PARVB: variants seen among roughly 807,000 people sequenced by gnomAD.
PARVB encodes the protein beta-parvin.
A neutral mutation model predicts 47.0 loss-of-function variants in PARVB; 46 were observed. The ratio of observed to expected loss-of-function variants is 0.98; its 90% CI spans 0.77 to 1.25. PARVB has a LOEUF of 1.25. PARVB is among the 50% of genes most tolerant of loss of function. PARVB has a pLI of 0.00. For missense variants in PARVB, 473 were observed against 471.6 expected, an observed-to-expected ratio of 1.00 and a Z score of -0.03; for synonymous variants, 196 against 196.3, an observed-to-expected ratio of 1.00 and a Z score of 0.01.
At chr22:44,016,225 T>C (rs1388758124) in intron 2 of PARVB, among the ~76,000 whole-genome samples, 1 of 151,598 alleles carries the variant, frequency 6.6e-6, no homozygotes, top group Non-Finnish European at 1.5e-5. Flanking sequence ...GCCTCCCGAG[T>C]AGCTGGGACT....
At chr22:44,021,833 G>A (rs1168294869), upstream of PARVB, among the ~76,000 whole-genome samples, 2 of 144,498 alleles carry the variant, frequency 1.4e-5, no homozygotes, top group Non-Finnish European at 3.0e-5. Flanking sequence ...TAGTAGAGAC[G>A]GAGGCAGAGA....
At chr22:44,136,660 G>T (rs572086095) in intron 7 of PARVB, 142 bp downstream of exon 7, 52 of 701,402 alleles carry the variant, frequency 7.4e-5, no homozygotes, top group Non-Finnish European at 1.1e-4. Flanking sequence ...TGATTCTCAT[G>T]CTGGTTCCCA....
chr22:44,058,926 G>A (rs1435092173), intron 1 of PARVB, among the ~76,000 whole-genome samples: 2 of 151,316 alleles, frequency 1.3e-5, no homozygotes, highest in East Asian at 2.0e-4. Context: ...AAACCCACTA[G>A]TTATGGTCAC....
intron 1 of PARVB, among the ~76,000 whole-genome samples, chr22:44,066,621 A>G (rs572546508): frequency 1.3e-5 from 2 of 152,250 alleles, no homozygotes; most frequent in Admixed American, 6.5e-5. Context: ...TGAGATCCTG[A>G]TACGCACCCT....
At chr22:44,076,703 C>T (rs997564340) in intron 1 of PARVB, among the ~76,000 whole-genome samples, 59 of 152,182 alleles carry the variant, frequency 3.9e-4, no homozygotes, top group African/African-American at 1.3e-3. Flanking sequence ...ATCTGCCCAC[C>T]GTGAGATAGA....
intron 1 of PARVB, among the ~76,000 whole-genome samples, chr22:44,040,840 A>G (rs1044769087): frequency 1.3e-5 from 2 of 151,852 alleles, no homozygotes; most frequent in South Asian, 2.1e-4. Flanking sequence ...CGTCTCTACT[A>G]AAAATACAAA....
exon 1 of PARVB, chr22:43,999,362 C>T (rs1280224742): frequency 6.2e-7 from 1 of 1,610,018 alleles, no homozygotes; most frequent in African/African-American, 1.3e-5. Flanking sequence ...GTTTAAAGAT[C>T]ACCAAAGAGG....
chr22:44,098,648 G>A (rs932504350), intron 2 of PARVB, among the ~76,000 whole-genome samples: 1 of 152,196 alleles, frequency 6.6e-6, no homozygotes, highest in African/African-American at 2.4e-5. Flanking sequence ...CAGGACTCCC[G>A]AGAACTCCCT....
chr22:44,050,414 G>A (rs759147768), intron 1 of PARVB, among the ~76,000 whole-genome samples: 1 of 151,208 alleles, frequency 6.6e-6, no homozygotes, highest in Non-Finnish European at 1.5e-5. Context: ...CGCCATCTCA[G>A]CTCACTGCAA....
upstream of PARVB, among the ~76,000 whole-genome samples, chr22:44,021,145 C>A (rs927235260): frequency 6.6e-6 from 1 of 152,108 alleles, no homozygotes; most frequent in African/African-American, 2.4e-5. Context: ...ACAACCATGT[C>A]GAAGTGTGAT....
chr22:44,123,320 G>A (rs907384218), intron 4 of PARVB, among the ~76,000 whole-genome samples: 2 of 152,194 alleles, frequency 1.3e-5, no homozygotes, highest in Non-Finnish European at 2.9e-5. Context: ...GGGGTAACAC[G>A]CTGATCGGGG....
chr22:44,166,779 C>G (rs2054177794), intron 12 of PARVB, among the ~76,000 whole-genome samples: 1 of 152,370 alleles, frequency 6.6e-6, no homozygotes. Context: ...TGCTGGGCCT[C>G]TTTATTTTGT....
chr22:44,081,851 C>T (rs544047462), intron 1 of PARVB, among the ~76,000 whole-genome samples: 31 of 152,244 alleles, frequency 2.0e-4, no homozygotes, highest in African/African-American at 7.2e-4. Context: ...TCTGCTGCCT[C>T]GAGGCTCTTT....
chr22:44,132,496 T>G (rs763987968), intron 5 of PARVB, among the ~76,000 whole-genome samples: 1 of 152,178 alleles, frequency 6.6e-6, no homozygotes, highest in African/African-American at 2.4e-5. Context: ...GGATGGTTCA[T>G]TGCGGAGAGG....
At chr22:44,055,347 C>CTT (rs1051208654) in intron 1 of PARVB, among the ~76,000 whole-genome samples, 1 of 146,424 alleles carries the variant, frequency 6.8e-6, no homozygotes, top group Admixed American at 6.8e-5. Context: ...CTCTCTGTCT[C>CTT]TTTTTTTTTT....
intron 1 of PARVB, among the ~76,000 whole-genome samples, chr22:44,063,441 G>A (rs2051457273): frequency 6.6e-6 from 1 of 152,068 alleles, no homozygotes. Context: ...TGGCCAGGCT[G>A]GTCTCAAACT....
intron 7 of PARVB, among the ~76,000 whole-genome samples, chr22:44,137,351 C>CA (rs2053459793): frequency 6.6e-6 from 1 of 152,222 alleles, no homozygotes; most frequent in Non-Finnish European, 1.5e-5. Flanking sequence ...ACGAAGGGAA[C>CA]AGGGAGAGCT....
intron 1 of PARVB, among the ~76,000 whole-genome samples, chr22:44,091,768 G>T (rs561430045): frequency 2.1e-4 from 32 of 152,328 alleles, no homozygotes; most frequent in Admixed American, 7.2e-4. Context: ...GTGCCCGAAG[G>T]TTCCCTCGAA....
intron 5 of PARVB, 69 bp downstream of exon 5, chr22:44,131,696 A>T: frequency 4.0e-6 from 6 of 1,488,544 alleles, no homozygotes; most frequent in Non-Finnish European, 5.4e-6. Flanking sequence ...CGTCATCCAC[A>T]TTTGTCATCC....
Sources: gnomAD v4.1 joint callset for allele counts (sites outside exome capture counted in the v4.1 genomes callset) on GRCh38, gnomAD v4.1.1 for gene constraint, MANE v1.5 for transcripts, NCBI Gene and HGNC (gene_info 2026-07-23, HGNC 2026-07-21) for gene names.